The following ZFYVE28 variants were observed in gnomAD, a reference collection of about 807,000 sequenced individuals.
The protein encoded by ZFYVE28 is lateral signaling target protein 2 homolog.
In ZFYVE28, 40 loss-of-function variants were observed where a neutral mutation model predicts 82.1. The observed-to-expected ratio is 0.49, with a 90% CI of 0.38 to 0.63. ZFYVE28 has a LOEUF of 0.63. Among genes scored for constraint, ZFYVE28 ranks in the 30% least tolerant of loss-of-function variants. The pLI, the probability that ZFYVE28 is intolerant of heterozygous loss-of-function variation, is 0.00. For synonymous variants in ZFYVE28, 612 were observed against 546.1 expected (o/e 1.12, Z -1.68); for missense variants, 1,321 against 1,242.1 (o/e 1.06, Z -0.96).
At chr4:2,388,754 C>G (rs1025846947) in intron 1 of ZFYVE28, among the ~76,000 whole-genome samples, 1 of 152,086 alleles carries the variant, frequency 6.6e-6, no homozygotes, top group African/African-American at 2.4e-5. Context: ...CCCTCCCCTA[C>G]CAAACTGAGA....
chr4:2,389,380 C>A (rs1216187034), intron 1 of ZFYVE28, among the ~76,000 whole-genome samples: 6 of 152,192 alleles, frequency 3.9e-5, no homozygotes, highest in African/African-American at 1.4e-4. Context: ...ACCCTGCTGA[C>A]CCTGTGAGCC....
chr4:2,329,063 T>C (rs1240532719), intron 6 of ZFYVE28: 2 of 694,204 alleles, frequency 2.9e-6, no homozygotes, highest in Non-Finnish European at 5.3e-6. Flanking sequence ...CTTCCAATTT[T>C]GTTTTTGTTT....
chr4:2,319,437 G>A (rs1203053268), intron 7 of ZFYVE28, among the ~76,000 whole-genome samples: 7 of 152,188 alleles, frequency 4.6e-5, no homozygotes, highest in African/African-American at 1.7e-4. Flanking sequence ...ACTTTTCACT[G>A]TCTGGACTCA....
Position 2,353,919 on chromosome 4 carries a change from GC to G in ZFYVE28, c.180+13del. The G allele has an allele frequency of 6.7e-7, 1 of 1,497,578 alleles. No individual in the cohort carries two copies. Among genetic ancestry groups the G allele is most frequent in the Non-Finnish European group, 8.9e-7 (1 of 1,118,334 alleles). 92.8% of individuals were successfully genotyped at this position (1,497,578 alleles called of 1,614,324 possible). On this transcript the variant is annotated intron_variant, in intron 2 of 12. Transcript: ENST00000290974. ...CCAGCGGGGCCAGCCAGCTTCTGCT[GC>G]CCCGTGGCTCACCTGACAGGAGCGG... is the stretch of plus-strand genomic sequence containing the variant.
At chr4:2,384,865 A>T (rs1043994975) in intron 1 of ZFYVE28, among the ~76,000 whole-genome samples, 2 of 152,172 alleles carry the variant, frequency 1.3e-5, no homozygotes, top group African/African-American at 2.4e-5. Flanking sequence ...AGTCACACAG[A>T]ACTCTTGCCT....
At position 2,375,203 on chromosome 4, in the gene ZFYVE28, C is replaced by T. The variant is rs551076970; in HGVS notation, c.40-21130G>A. Among the ~76,000 whole-genome samples the T allele has an allele frequency of 4.6e-5, 7 of 152,312 alleles. No homozygotes were observed. In the South Asian group the frequency reaches 1.0e-3, roughly 23 times the overall value. ...TGGCTTTTCCAAGAAAGCTTTTCCC[C>T]GCAGCCTCGGGGAAGGTGGCTTTCT... On this transcript the variant is annotated intron_variant, in intron 1 of 12. Transcript: ENST00000290974.
Position 2,304,524 on chromosome 4 carries a change from C to G in ZFYVE28, c.1816G>C (p.Ala606Pro). 6.2e-7 allele frequency: 1 copy of G among 1,612,604 alleles called. No individual in the cohort carries two copies. Among genetic ancestry groups the G allele is most frequent in the African/African-American group, 1.3e-5 (1 of 75,060 alleles). Residue 606 changes from alanine to proline, a missense_variant, in exon 8 of 13, where the codon GCC becomes CCC. By Grantham distance (27) the Ala-to-Pro change is conservative. This residue lies in a region of ZFYVE28 where 978 missense variants were observed against 833.7 expected (regional missense o/e 1.17). Transcript: ENST00000290974. ...AAGLAKASDR[A>P]PERQEEAPPP... ...GGCGCCTCCTCCTGTCTCTCAGGGG[C>G]CCTGTCGCTGGCCTTGGCTAAGCCG...
chr4:2,357,908 C>T (rs914242763), intron 1 of ZFYVE28, among the ~76,000 whole-genome samples: 3 of 152,214 alleles, frequency 2.0e-5, no homozygotes, highest in East Asian at 1.9e-4. Flanking sequence ...TTCCCAGCAA[C>T]GCCAGGTCAA....
chr4:2,363,420 G>A (rs1726429564), intron 1 of ZFYVE28, among the ~76,000 whole-genome samples: 2 of 152,144 alleles, frequency 1.3e-5, no homozygotes, highest in African/African-American at 4.8e-5. Flanking sequence ...AACCGCCTGG[G>A]CTTTGCTTCT....
intron 8 of ZFYVE28, among the ~76,000 whole-genome samples, chr4:2,279,990 G>A (rs2108802712): frequency 6.6e-6 from 1 of 152,238 alleles, no homozygotes; most frequent in East Asian, 1.9e-4. Flanking sequence ...ACAGCCTCAT[G>A]GATGTACCAC....
chr4:2,310,081 C>T (rs1717260773), intron 7 of ZFYVE28, among the ~76,000 whole-genome samples: 1 of 152,032 alleles, frequency 6.6e-6, no homozygotes, highest in South Asian at 2.1e-4. Context: ...CGCTGTCACC[C>T]AGGCTGGAGT....
chr4:2,351,532 G>A (rs1578209182), intron 2 of ZFYVE28, among the ~76,000 whole-genome samples: 1 of 152,184 alleles, frequency 6.6e-6, no homozygotes, highest in African/African-American at 2.4e-5. Context: ...TGGCCAACAT[G>A]GTGAAACCCC....
At chr4:2,346,681 G>A (rs1324521023) in intron 2 of ZFYVE28, among the ~76,000 whole-genome samples, 1 of 151,972 alleles carries the variant, frequency 6.6e-6, no homozygotes, top group East Asian at 1.9e-4. Flanking sequence ...GTCATTTGAA[G>A]GTATCTGTAA....
chr4:2,337,286 T>G, intron 5 of ZFYVE28, 121 bp downstream of exon 5: 1 of 817,452 alleles, frequency 1.2e-6, no homozygotes, highest in South Asian at 2.1e-5. Context: ...TCTGGTGCCT[T>G]CCATCTGGGG....
rs548237053 is a variant in ZFYVE28 at position 2,270,405 on chromosome 4, A to G, written c.*320T>C. ...ACCTCCATCACCCGCCCCGATTCCC[A>G]TAGCCCCAGCAGATCTCCGAGGGAC... On this transcript the variant is annotated 3_prime_UTR_variant, in exon 13 of 13. Coordinates refer to ENST00000290974, the MANE Select transcript of ZFYVE28 (RefSeq NM_020972.3). The G allele has an allele frequency of 7.6e-5, 30 of 395,884 alleles. No individual in the cohort carries two copies. Among genetic ancestry groups the G allele is most frequent in the South Asian group, 7.4e-4 (28 of 37,820 alleles). The allele number at this position is 395,884 out of a possible 1,614,324, so 24.5% of individuals were successfully genotyped here.
chr4:2,367,899 ACT>A (rs1171936405), intron 1 of ZFYVE28, among the ~76,000 whole-genome samples: 1 of 152,010 alleles, frequency 6.6e-6, no homozygotes, highest in East Asian at 1.9e-4. Context: ...GGAGCCCCTG[ACT>A]CTGACCCAAC....
chr4:2,402,597 C>T (rs1038195892), intron 1 of ZFYVE28, among the ~76,000 whole-genome samples: 2 of 152,192 alleles, frequency 1.3e-5, no homozygotes, highest in Admixed American at 6.5e-5. Context: ...CAGAAGACAA[C>T]ACGGAAGCCA....
At chr4:2,399,954 CCCT>C (rs1730994948) in intron 1 of ZFYVE28, among the ~76,000 whole-genome samples, 1 of 152,256 alleles carries the variant, frequency 6.6e-6, no homozygotes, top group African/African-American at 2.4e-5. Flanking sequence ...ACCACCACGT[CCCT>C]CCTCCTCAGA....
At position 2,416,716 on chromosome 4, in the gene ZFYVE28, C is replaced by T. The variant is rs1211657765; in HGVS notation, c.39+1569G>A. ...CCAAACCACACCCAGCGCCAGGAAACGCAAGGCTCGGGACGAACCCTTAAG... is the reference window on the plus strand; with the variant it reads ...CCAAACCACACCCAGCGCCAGGAAATGCAAGGCTCGGGACGAACCCTTAAG... On this transcript the variant is annotated intron_variant, in intron 1 of 12. Transcript: ENST00000290974. The surrounding 1 kb of genome is among the most constrained non-coding windows in gnomAD (Gnocchi z 4.6). 6.6e-6 allele frequency among the ~76,000 whole-genome samples: 1 copy of T among 152,174 alleles called. No homozygotes were observed. Among genetic ancestry groups the T allele is most frequent in the Non-Finnish European group, 1.5e-5 (1 of 68,032 alleles).
Sources: gnomAD v4.1 joint callset for allele counts (sites outside exome capture counted in the v4.1 genomes callset) on GRCh38, gnomAD v4.1.1 for gene constraint, gnomAD v4.1.1 regional missense constraint, Gnocchi (gnomAD v3.1) non-coding constraint, MANE v1.5 for transcripts, NCBI Gene and HGNC (gene_info 2026-07-23, HGNC 2026-07-21) for gene names.